Variants in NAALADL2 observed in about 807,000 individuals in gnomAD.
The protein encoded by NAALADL2 is inactive N-acetylated-alpha-linked acidic dipeptidase-like protein 2.
Under a neutral mutation model 87.2 loss-of-function variants are expected in NAALADL2, and 76 were observed. The observed-to-expected ratio is 0.87, with a 90% confidence interval of 0.72 to 1.05. NAALADL2 has a LOEUF of 1.05. Among genes scored for constraint, NAALADL2 ranks in the 50% least tolerant of loss-of-function variants. NAALADL2 has a pLI of 0.00. For missense variants in NAALADL2, 1,089 were observed against 945.8 expected, an observed-to-expected ratio of 1.15 and a Z score of -1.99; for synonymous variants, 354 against 331.0, an observed-to-expected ratio of 1.07 and a Z score of -0.75.
At chr3:174,450,640 G>A (rs914881230) in intron 1 of NAALADL2, among the ~76,000 whole-genome samples, 2 of 152,132 alleles carry the variant, frequency 1.3e-5, no homozygotes, top group Admixed American at 1.3e-4. Context: ...GGGAGGCCAA[G>A]GCAGGTGGAT....
chr3:175,463,697 C>CAG (rs1553901897), intron 7 of NAALADL2, among the ~76,000 whole-genome samples: 1 of 107,408 alleles, frequency 9.3e-6, no homozygotes, highest in African/African-American at 4.8e-5. Context: ...AAATCTTAGT[C>CAG]GGGGGAGAGA....
chr3:175,730,139 T>A (rs1743477794), intron 11 of NAALADL2, among the ~76,000 whole-genome samples: 1 of 151,886 alleles, frequency 6.6e-6, no homozygotes, highest in African/African-American at 2.4e-5. Context: ...GTTAAAAGCA[T>A]TTATTGCAAA....
At chr3:175,101,106 G>A (rs1385590054) in intron 2 of NAALADL2, among the ~76,000 whole-genome samples, 2 of 152,124 alleles carry the variant, frequency 1.3e-5, no homozygotes, top group African/African-American at 2.4e-5. Context: ...GCACACACCG[G>A]AAAAAATTTC....
At chr3:175,033,919 A>G (rs1753088113) in intron 1 of NAALADL2, among the ~76,000 whole-genome samples, 1 of 152,158 alleles carries the variant, frequency 6.6e-6, no homozygotes, top group Non-Finnish European at 1.5e-5. Context: ...TATCACTTGA[A>G]TATGTAATAG....
At chr3:174,593,582 TA>T (rs35984065) in intron 2 of NAALADL2, among the ~76,000 whole-genome samples, 40,702 of 152,056 alleles carry the variant, frequency 0.27, 6,809 homozygotes, top group East Asian at 0.74. Flanking sequence ...AGCTGATTTT[TA>T]TATAGTAAGT....
At chr3:175,711,542 G>A (rs1371957847) in intron 11 of NAALADL2, among the ~76,000 whole-genome samples, 2 of 151,878 alleles carry the variant, frequency 1.3e-5, no homozygotes, top group Non-Finnish European at 2.9e-5. Flanking sequence ...AACCATCTGA[G>A]CCAGTCAAGC....
chr3:175,348,127 C>G (rs1763351711), intron 5 of NAALADL2, among the ~76,000 whole-genome samples: 1 of 152,160 alleles, frequency 6.6e-6, no homozygotes, highest in African/African-American at 2.4e-5. Flanking sequence ...TCTTGGCTCA[C>G]TGCAACCTCC....
At chr3:175,317,606 AG>A (rs1759321968) in intron 4 of NAALADL2, among the ~76,000 whole-genome samples, 1 of 152,200 alleles carries the variant, frequency 6.6e-6, no homozygotes, top group African/African-American at 2.4e-5. Context: ...CTTTCAAAAA[AG>A]TGACACCCAA....
At chr3:174,873,128 T>C (rs1355398120) in intron 1 of NAALADL2, among the ~76,000 whole-genome samples, 5 of 152,240 alleles carry the variant, frequency 3.3e-5, no homozygotes, top group Non-Finnish European at 5.9e-5. Context: ...GCTCTAGATG[T>C]AATGGTTTGC....
At chr3:175,415,163 G>A (rs1402425508) in intron 5 of NAALADL2, among the ~76,000 whole-genome samples, 3 of 152,132 alleles carry the variant, frequency 2.0e-5, no homozygotes, top group Admixed American at 6.6e-5. Context: ...CACATACTGT[G>A]TGTGTGTTCA....
At chr3:175,265,665 C>A (rs1020272564) in intron 4 of NAALADL2, among the ~76,000 whole-genome samples, 39 of 151,504 alleles carry the variant, frequency 2.6e-4, no homozygotes, top group Admixed American at 2.4e-3. Context: ...AATTTAATAT[C>A]TGTTTGGGAA....
intron 5 of NAALADL2, among the ~76,000 whole-genome samples, chr3:175,337,741 T>C (rs542712072): frequency 2.0e-5 from 3 of 152,202 alleles, no homozygotes; most frequent in Admixed American, 1.3e-4. Context: ...TCTTTGACTT[T>C]ATCATATAAA....
upstream of NAALADL2, among the ~76,000 whole-genome samples, chr3:174,857,455 A>T (rs1267393442): frequency 6.6e-6 from 1 of 152,174 alleles, no homozygotes; most frequent in Non-Finnish European, 1.5e-5. Context: ...ACCACATGCT[A>T]TAATTCAGCT....
At chr3:175,290,143 G>A (rs1755474007) in intron 4 of NAALADL2, among the ~76,000 whole-genome samples, 1 of 152,136 alleles carries the variant, frequency 6.6e-6, no homozygotes, top group South Asian at 2.1e-4. Flanking sequence ...TTGTAAAACA[G>A]TTTGGCAATT....
intron 5 of NAALADL2, among the ~76,000 whole-genome samples, chr3:175,439,592 A>G (rs1479578393): frequency 6.6e-6 from 1 of 151,960 alleles, no homozygotes. Context: ...CATTATCATT[A>G]GTGATGTTGA....
chr3:174,447,128 G>C (rs972048131), intron 1 of NAALADL2, among the ~76,000 whole-genome samples: 8 of 152,146 alleles, frequency 5.3e-5, no homozygotes, highest in Non-Finnish European at 1.0e-4. Flanking sequence ...ATACATCCTA[G>C]AGAGGCTCTG....
chr3:174,500,208 C>T (rs73881182), intron 1 of NAALADL2, among the ~76,000 whole-genome samples: 2,473 of 151,722 alleles, frequency 0.016, 66 homozygotes, highest in African/African-American at 0.057. Flanking sequence ...TTTCTAAATT[C>T]GAATTTCTGA....
At chr3:175,335,119 C>G (rs1334942449) in intron 5 of NAALADL2, among the ~76,000 whole-genome samples, 1 of 152,168 alleles carries the variant, frequency 6.6e-6, no homozygotes, top group South Asian at 2.1e-4. Context: ...CAAAACCTCA[C>G]CACGTCTACC....
intron 11 of NAALADL2, among the ~76,000 whole-genome samples, chr3:175,662,248 A>G (rs1054098154): frequency 6.6e-6 from 1 of 151,650 alleles, no homozygotes; most frequent in Non-Finnish European, 1.5e-5. Flanking sequence ...TTATTTATTT[A>G]TAGCGATTGT....
Sources: allele counts gnomAD v4.1 joint callset (sites outside exome capture counted in the v4.1 genomes callset), GRCh38; gene constraint gnomAD v4.1.1; transcripts MANE v1.5; gene names NCBI Gene and HGNC (gene_info 2026-07-23, HGNC 2026-07-21).